GNAQ: variants seen among roughly 807,000 people sequenced by gnomAD.
GNAQ encodes the protein G protein subunit alpha q, also known as guanine nucleotide-binding protein G(q) subunit alpha.
GNAQ carries 8 observed loss-of-function variants against 43.9 expected under a neutral mutation model. That is an observed-to-expected ratio of 0.18 (90% CI 0.11 to 0.33). The LOEUF is 0.33. Ranked by LOEUF, GNAQ falls within the 10% of genes least tolerant of loss-of-function variation. The probability of loss-of-function intolerance (pLI) is 1.00; values close to 1 mark genes in which losing one functional copy is unlikely to be tolerated. For missense variants in GNAQ, 158 were observed against 450.8 expected, an observed-to-expected ratio of 0.35 and a Z score of 5.88; for synonymous variants, 155 against 170.7, an observed-to-expected ratio of 0.91 and a Z score of 0.71.
intron 3 of GNAQ, among the ~76,000 whole-genome samples, chr9:77,804,729 A>T (rs929493305): frequency 3.3e-5 from 5 of 152,146 alleles, no homozygotes; most frequent in African/African-American, 1.2e-4. Context: ...TTTGACCCCT[A>T]TGTAAGGGCC....
At chr9:77,965,838 CAAAA>C (rs34650547) in intron 1 of GNAQ, among the ~76,000 whole-genome samples, 1 of 129,958 alleles carries the variant, frequency 7.7e-6, no homozygotes, top group African/African-American at 2.9e-5. Context: ...TTACTCCGAG[CAAAA>C]AAAAAAAAAA....
At chr9:77,800,880 T>C (rs913159534) in intron 3 of GNAQ, among the ~76,000 whole-genome samples, 1 of 152,210 alleles carries the variant, frequency 6.6e-6, no homozygotes, top group Non-Finnish European at 1.5e-5. Context: ...ATTTAACTAC[T>C]GTATACAAAA....
At chr9:77,945,793 T>C (rs1158385969) in intron 1 of GNAQ, among the ~76,000 whole-genome samples, 1 of 152,170 alleles carries the variant, frequency 6.6e-6, no homozygotes, top group Non-Finnish European at 1.5e-5. Flanking sequence ...CCTAAGAACA[T>C]GAACTTTACA....
intron 1 of GNAQ, among the ~76,000 whole-genome samples, chr9:78,010,954 C>T (rs1037665175): frequency 3.3e-5 from 5 of 152,190 alleles, no homozygotes; most frequent in African/African-American, 1.2e-4. Flanking sequence ...ACATAGCCAA[C>T]AGATCTGTTT....
intron 3 of GNAQ, among the ~76,000 whole-genome samples, chr9:77,812,190 T>C (rs1826938714): frequency 6.6e-6 from 1 of 152,222 alleles, no homozygotes; most frequent in South Asian, 2.1e-4. Flanking sequence ...ATGGAATTAT[T>C]AAATCTGGCA....
intron 2 of GNAQ, among the ~76,000 whole-genome samples, chr9:77,892,654 T>C (rs1451097242): frequency 6.6e-6 from 1 of 152,204 alleles, no homozygotes; most frequent in Non-Finnish European, 1.5e-5. Context: ...CATTATTGAA[T>C]ATTAACATGA....
chr9:78,018,594 A>AT (rs1823867111), intron 1 of GNAQ, among the ~76,000 whole-genome samples: 1 of 152,222 alleles, frequency 6.6e-6, no homozygotes, highest in Non-Finnish European at 1.5e-5. Context: ...ATGTCAGAAC[A>AT]TTAAGTGGAA....
In GNAQ at chr9:77,760,646, G is replaced by T. The variant is rs1232406651; in HGVS notation, c.736-31979C>A. On this transcript the variant is annotated intron_variant, in intron 5 of 6. Coordinates refer to ENST00000286548, the MANE Select transcript of GNAQ (RefSeq NM_002072.5). The stretch of plus-strand genomic sequence containing the variant: ...GCCGCCACCCCGTCTAGGAAGTGAG[G>T]AGCGTCTCTGCCTGGCCACCCATCA... Among the ~76,000 whole-genome samples, 5 of 152,252 alleles carry T rather than the reference G, an allele frequency of 3.3e-5. No individual in the cohort carries two copies. The East Asian group carries it at 9.7e-4, about 30-fold the overall frequency.
intron 5 of GNAQ, among the ~76,000 whole-genome samples, chr9:77,761,846 G>C (rs1826033651): frequency 1.8e-5 from 1 of 54,998 alleles, no homozygotes; most frequent in African/African-American, 5.4e-5. Flanking sequence ...CCGGGAGGGA[G>C]GTGGGGGGGG....
intron 1 of GNAQ, among the ~76,000 whole-genome samples, chr9:77,945,290 T>G (rs558367370): frequency 2.6e-5 from 4 of 152,134 alleles, no homozygotes; most frequent in Non-Finnish European, 4.4e-5. Flanking sequence ...GAAACAGATA[T>G]GAAGTAGCTA....
At chr9:77,903,543 T>C (rs1414555164) in intron 2 of GNAQ, among the ~76,000 whole-genome samples, 1 of 152,088 alleles carries the variant, frequency 6.6e-6, no homozygotes, top group Non-Finnish European at 1.5e-5. Flanking sequence ...AAATGATAAT[T>C]CCCTTCCTTT....
At chr9:77,995,225 G>A (rs985360508) in intron 1 of GNAQ, among the ~76,000 whole-genome samples, 1 of 151,832 alleles carries the variant, frequency 6.6e-6, no homozygotes, top group Non-Finnish European at 1.5e-5. Flanking sequence ...GAGAAGCCTT[G>A]CAGCCTCAAA....
At chr9:77,791,161 T>G (rs1320735931) in intron 5 of GNAQ, among the ~76,000 whole-genome samples, 2 of 152,112 alleles carry the variant, frequency 1.3e-5, no homozygotes, top group Non-Finnish European at 2.9e-5. Context: ...AAAGAGGACA[T>G]GGAGGAGAAA....
intron 5 of GNAQ, among the ~76,000 whole-genome samples, chr9:77,789,156 C>T (rs561772938): frequency 6.6e-6 from 1 of 152,234 alleles, no homozygotes; most frequent in East Asian, 1.9e-4. Context: ...TCCTTACTGT[C>T]CTTTCATCCA....
chr9:77,887,911 C>T (rs960658201), intron 2 of GNAQ, among the ~76,000 whole-genome samples: 2 of 152,188 alleles, frequency 1.3e-5, no homozygotes, highest in East Asian at 1.9e-4. Flanking sequence ...AGTACTGGCA[C>T]ATGAATAATT....
chr9:77,822,624 TAAA>T (rs111910216), intron 2 of GNAQ, among the ~76,000 whole-genome samples: 7 of 131,530 alleles, frequency 5.3e-5, no homozygotes, highest in African/African-American at 5.5e-5. Flanking sequence ...GCTTTTTGAT[TAAA>T]AAAAAAAAAA....
At chr9:77,957,480 C>G (rs1390130532) in intron 1 of GNAQ, among the ~76,000 whole-genome samples, 21 of 152,170 alleles carry the variant, frequency 1.4e-4, no homozygotes, top group Non-Finnish European at 2.8e-4. Flanking sequence ...TAACTTTGCA[C>G]TACACACAGG....
chr9:77,921,852 T>C (rs1025005122), intron 2 of GNAQ, among the ~76,000 whole-genome samples: 1 of 152,222 alleles, frequency 6.6e-6, no homozygotes, highest in South Asian at 2.1e-4. Context: ...AACTCTCTCC[T>C]TAACATAATG....
At chr9:78,005,735 C>G (rs1187208424) in intron 1 of GNAQ, among the ~76,000 whole-genome samples, 1 of 152,168 alleles carries the variant, frequency 6.6e-6, no homozygotes, top group African/African-American at 2.4e-5. Context: ...TCCACCTTAA[C>G]CAAGTAGAGG....
Sources: gnomAD v4.1 joint callset for allele counts (sites outside exome capture counted in the v4.1 genomes callset) on GRCh38, gnomAD v4.1.1 for gene constraint, MANE v1.5 for transcripts, NCBI Gene and HGNC (gene_info 2026-07-23, HGNC 2026-07-21) for gene names.